GPLD1: variants seen among roughly 807,000 people sequenced by gnomAD.
GPLD1 encodes phosphatidylinositol-glycan-specific phospholipase D.
In GPLD1, 84 loss-of-function variants were observed where a neutral mutation model predicts 112.6. The ratio of observed to expected loss-of-function variants is 0.75; its 90% CI spans 0.63 to 0.89. GPLD1 has a LOEUF of 0.89. Among genes scored for constraint, GPLD1 ranks in the 40% least tolerant of loss-of-function variants. The probability of loss-of-function intolerance (pLI) is 0.00; values close to 1 mark genes in which losing one functional copy is unlikely to be tolerated. For synonymous variants in GPLD1, 386 were observed against 403.8 expected (o/e 0.96, Z 0.53); for missense variants, 1,044 against 1,051.5 (o/e 0.99, Z 0.10).
chr6:24,480,196 A>C (rs1458737704), intron 2 of GPLD1, among the ~76,000 whole-genome samples: 4 of 152,254 alleles, frequency 2.6e-5, no homozygotes, highest in Non-Finnish European at 1.5e-5. Flanking sequence ...AGAGAGGCTA[A>C]TTTAGAAACA....
intron 3 of GPLD1, among the ~76,000 whole-genome samples, chr6:24,477,140 A>C (rs991232442): frequency 6.6e-6 from 1 of 151,464 alleles, no homozygotes; most frequent in Non-Finnish European, 1.5e-5. Context: ...AAAACTCCAG[A>C]ATTAAATATG....
chr6:24,442,353 TCAAG>T (rs1760372394), intron 20 of GPLD1, among the ~76,000 whole-genome samples: 1 of 149,500 alleles, frequency 6.7e-6, no homozygotes, highest in Non-Finnish European at 1.5e-5. Flanking sequence ...ATTCTTGGGC[TCAAG>T]CAATCTTCCC....
intron 11 of GPLD1, 51 bp from the exon 12 acceptor site, chr6:24,460,450 C>T (rs1376543618): frequency 1.3e-6 from 2 of 1,592,590 alleles, no homozygotes; most frequent in Non-Finnish European, 1.7e-6. Flanking sequence ...AAACAACCCC[C>T]TGTAAAACTG....
intron 22 of GPLD1, among the ~76,000 whole-genome samples, chr6:24,433,957 T>C (rs1397684994): frequency 1.3e-5 from 2 of 152,186 alleles, no homozygotes; most frequent in Non-Finnish European, 2.9e-5. Flanking sequence ...AATGGCACAA[T>C]TGACTAACAA....
chr6:24,437,172 C>T lies in GPLD1; in HGVS notation c.2138G>A (p.Arg713His). 5.6e-6 allele frequency: 9 copies of T among 1,614,138 alleles called. No homozygotes were observed. The highest frequency in any genetic ancestry group is 1.6e-4 in the Middle Eastern group (1 of 6,062). Reference protein sequence around the residue: ...PLLLSTFSGDRRFSRFGGVLH... With the variant: ...PLLLSTFSGDHRFSRFGGVLH... ...AACGCCACCAAATCGGGAGAAGCGG[C>T]GGTCTCCGCTGAAGGTGCTGAGCAG... Residue 713 changes from arginine (R) to histidine (H), a missense_variant, in exon 21 of 25, where the codon CGC becomes CAC. Coordinates refer to ENST00000230036, the MANE Select transcript of GPLD1 (RefSeq NM_001503.4).
At chr6:24,472,447 T>C (rs1763856123) in intron 7 of GPLD1, 135 bp downstream of exon 7, 4 of 578,816 alleles carry the variant, frequency 6.9e-6, no homozygotes, top group East Asian at 2.9e-5. Context: ...ACTATGCTAA[T>C]ATGCAATTTT....
In GPLD1 at chr6:24,495,111, C is replaced by G. The variant is rs1293911941; in HGVS notation, n.95G>C. ...CCTGGTCCCTGCCTCCGGGCCTGCG[C>G]CCGGCCCGGCCCAGCTCCGCTGCTA... is the stretch of plus-strand genomic sequence containing the variant. On this transcript the variant is annotated non_coding_transcript_exon_variant, in exon 1 of 11. Transcript: ENST00000474784. The G allele has an allele frequency of 2.0e-5, 26 of 1,310,890 alleles. No individual in the cohort carries two copies. The East Asian group carries it at 2.2e-4, about 11-fold the overall frequency. 81.2% of individuals were successfully genotyped at this position (1,310,890 alleles called of 1,614,324 possible).
At chr6:24,462,136 C>T (rs951102375) in intron 11 of GPLD1, among the ~76,000 whole-genome samples, 3 of 151,940 alleles carry the variant, frequency 2.0e-5, no homozygotes, top group Non-Finnish European at 2.9e-5. Flanking sequence ...AACTACATTT[C>T]TTCTTTCTTT....
Position 24,475,627 on chromosome 6 carries a change from G to A in GPLD1, c.331-396C>T, listed in dbSNP as rs137866876. On this transcript the variant is annotated intron_variant, in intron 4 of 24. Coordinates refer to ENST00000230036, the MANE Select transcript of GPLD1 (RefSeq NM_001503.4). The stretch of plus-strand genomic sequence containing the variant: ...TGGGAGGCCTATGCAGGTGGATCAC[G>A]AGGTCAGGAAATCGAGACCATCCTG... 6.1e-3 allele frequency among the ~76,000 whole-genome samples: 910 copies of A among 148,390 alleles called. 11 individuals carry two copies. The highest frequency in any genetic ancestry group is 0.021 in the African/African-American group (842 of 40,012).
intron 20 of GPLD1, 66 bp from the exon 21 acceptor site, chr6:24,437,355 C>T: frequency 7.0e-7 from 1 of 1,429,548 alleles, no homozygotes; most frequent in South Asian, 1.2e-5. Context: ...CGGAATAGCA[C>T]CCCATCCTCA....
chr6:24,484,374 G>A (rs949634437), intron 2 of GPLD1, among the ~76,000 whole-genome samples: 1 of 151,982 alleles, frequency 6.6e-6, no homozygotes, highest in Non-Finnish European at 1.5e-5. Context: ...TGCCACCACG[G>A]CCAGCTAATT....
chr6:24,426,686 T>C lies in GPLD1; in HGVS notation c.*2346A>G, dbSNP rs1762249299. 1.2e-5 allele frequency among the ~76,000 whole-genome samples: 1 copy of C among 81,840 alleles called. No individual in the cohort carries two copies. The highest frequency in any genetic ancestry group is 5.6e-4 in the South Asian group (1 of 1,800). 53.7% of individuals were successfully genotyped at this position (81,840 alleles called of 152,430 possible). ...AGTACTGAGAAAAACATCCCTTTAC[T>C]CAAGTGTCAGATGTCAGAGTGCTCT... On this transcript the variant is annotated 3_prime_UTR_variant, in exon 25 of 25. Coordinates refer to ENST00000230036, the MANE Select transcript of GPLD1 (RefSeq NM_001503.4).
chr6:24,438,900 C>T (rs1762661731), intron 20 of GPLD1, among the ~76,000 whole-genome samples: 1 of 152,138 alleles, frequency 6.6e-6, no homozygotes, highest in Non-Finnish European at 1.5e-5. Context: ...GATTCTCCTG[C>T]CTCAGCCTCC....
At chr6:24,457,998 A>G (rs1763322472) in intron 12 of GPLD1, among the ~76,000 whole-genome samples, 2 of 151,976 alleles carry the variant, frequency 1.3e-5, no homozygotes, top group Admixed American at 6.6e-5. Flanking sequence ...TTGGGGGACA[A>G]CAAGCCCCTC....
In GPLD1 at chr6:24,438,219, G is replaced by A. The variant is rs145022145; in HGVS notation, c.2021-930C>T. On this transcript the variant is annotated intron_variant, in intron 20 of 24. Coordinates refer to ENST00000230036, the MANE Select transcript of GPLD1 (RefSeq NM_001503.4). ...TCACGTCTCTGTCTCTCTATCCACT[G>A]TACCTAGCATGGTGCTTGGTTCTGT... Among the ~76,000 whole-genome samples the A allele has an allele frequency of 2.0e-3, 311 of 152,312 alleles. 5 individuals are homozygous for A. Among genetic ancestry groups the A allele is most frequent in the Non-Finnish European group, 1.6e-3 (108 of 68,030 alleles).
chr6:24,491,233 T>C (rs762392180), upstream of GPLD1, among the ~76,000 whole-genome samples: 18 of 152,222 alleles, frequency 1.2e-4, no homozygotes, highest in Non-Finnish European at 2.4e-4. Flanking sequence ...CCTGTCACTC[T>C]GGGCCTTCTA....
At position 24,480,947 on chromosome 6, in the gene GPLD1, C is replaced by T. The variant is rs17373803; in HGVS notation, c.154-988G>A. On this transcript the variant is annotated intron_variant, in intron 2 of 24. Transcript: ENST00000230036. ...CTCGTGTTGCAGCTCTGGCTTCCCA[C>T]GTGTTTATGGGCAGAGTACAGGACA... Among the ~76,000 whole-genome samples, 1,429 of 152,314 alleles carry T rather than the reference C, an allele frequency of 9.4e-3. 13 individuals are homozygous for T. Among genetic ancestry groups the T allele is most frequent in the Non-Finnish European group, 0.016 (1,120 of 68,036 alleles).
chr6:24,462,288 A>G (rs1012923067), intron 11 of GPLD1, among the ~76,000 whole-genome samples: 1 of 151,870 alleles, frequency 6.6e-6, no homozygotes, highest in Non-Finnish European at 1.5e-5. Context: ...ACACACCACC[A>G]TACCTGGCTA....
At chr6:24,454,803 T>C (rs1763215576) in intron 13 of GPLD1, among the ~76,000 whole-genome samples, 1 of 152,220 alleles carries the variant, frequency 6.6e-6, no homozygotes, top group Admixed American at 6.5e-5. Flanking sequence ...CCAAAAGTCA[T>C]TTGTTTATTC....
Sources: allele counts gnomAD v4.1 joint callset (sites outside exome capture counted in the v4.1 genomes callset), GRCh38; gene constraint gnomAD v4.1.1; transcripts MANE v1.5; gene names NCBI Gene and HGNC (gene_info 2026-07-23, HGNC 2026-07-21).